EFNA5: variants seen among roughly 807,000 people sequenced by gnomAD.
EFNA5 encodes ephrin-A5.
EFNA5 carries 5 observed loss-of-function variants against 22.9 expected under a neutral mutation model. That is an observed-to-expected ratio of 0.22 (90% CI 0.11 to 0.46). The LOEUF (loss-of-function observed/expected upper bound fraction) is 0.46. Ranked by LOEUF, EFNA5 falls within the 20% of genes least tolerant of loss-of-function variation. EFNA5 has a pLI of 0.99. For synonymous variants in EFNA5, 113 were observed against 112.2 expected, an observed-to-expected ratio of 1.01 and a Z score of -0.04; for missense variants, 237 against 293.3, an observed-to-expected ratio of 0.81 and a Z score of 1.40.
intron 1 of EFNA5, among the ~76,000 whole-genome samples, chr5:107,511,176 G>A (rs929823891): frequency 2.6e-5 from 4 of 152,008 alleles, no homozygotes; most frequent in African/African-American, 4.8e-5. Context: ...ACAGGCATGC[G>A]CCACCACGCC....
At chr5:107,555,094 T>G (rs1016307367) in intron 1 of EFNA5, among the ~76,000 whole-genome samples, 1 of 152,230 alleles carries the variant, frequency 6.6e-6, no homozygotes, top group African/African-American at 2.4e-5. Context: ...CAGGACACTT[T>G]GTCTAACATA....
intron 1 of EFNA5, among the ~76,000 whole-genome samples, chr5:107,495,925 C>A (rs1212292051): frequency 6.6e-6 from 1 of 152,056 alleles, no homozygotes; most frequent in Non-Finnish European, 1.5e-5. Context: ...CAAGCTTTAG[C>A]CACCTCCTGT....
chr5:107,413,274 TA>T (rs1748417827), intron 2 of EFNA5, among the ~76,000 whole-genome samples: 1 of 152,102 alleles, frequency 6.6e-6, no homozygotes, highest in African/African-American at 2.4e-5. Context: ...ATTATATGGT[TA>T]AAAAAATGAC....
intron 1 of EFNA5, among the ~76,000 whole-genome samples, chr5:107,642,462 T>G (rs1163509643): frequency 1.4e-5 from 1 of 70,746 alleles, no homozygotes; most frequent in Non-Finnish European, 3.0e-5. Flanking sequence ...TTTTGTCAAC[T>G]AAAAAAAAAA....
chr5:107,470,384 G>A (rs1750106192), intron 1 of EFNA5, among the ~76,000 whole-genome samples: 1 of 152,184 alleles, frequency 6.6e-6, no homozygotes. Flanking sequence ...CGGCTTCTGA[G>A]GATGATGAAG....
intron 1 of EFNA5, among the ~76,000 whole-genome samples, chr5:107,499,172 A>G (rs1747073797): frequency 6.6e-6 from 1 of 152,212 alleles, no homozygotes; most frequent in Non-Finnish European, 1.5e-5. Context: ...AAAAAAGAGA[A>G]GAAAGATGAA....
chr5:107,556,552 C>T (rs1193623202), intron 1 of EFNA5, among the ~76,000 whole-genome samples: 1 of 151,942 alleles, frequency 6.6e-6, no homozygotes, highest in Non-Finnish European at 1.5e-5. Flanking sequence ...TTGAGACCAG[C>T]CTGGACAACA....
chr5:107,441,802 G>T (rs1454436234), intron 1 of EFNA5, among the ~76,000 whole-genome samples: 1 of 152,086 alleles, frequency 6.6e-6, no homozygotes, highest in Non-Finnish European at 1.5e-5. Context: ...AGGAAATACT[G>T]CATTTCTTTG....
Position 107,540,144 on chromosome 5 carries a change from G to A in EFNA5, c.126-112635C>T, listed in dbSNP as rs572061296. 9.9e-5 allele frequency among the ~76,000 whole-genome samples: 15 copies of A among 152,162 alleles called. No individual in the cohort carries two copies. In the South Asian group the frequency reaches 1.9e-3, roughly 19 times the overall value. On this transcript the variant is annotated intron_variant, in intron 1 of 4. Transcript: ENST00000333274. ...GGCAAGGCTCTATCCTGGGGGTGAA[G>A]AGGGGGAGGGGGCAAGAGTCAAAAA... is the stretch of plus-strand genomic sequence containing the variant.
chr5:107,421,280 T>C (rs569838349), intron 2 of EFNA5, among the ~76,000 whole-genome samples: 2 of 152,202 alleles, frequency 1.3e-5, no homozygotes, highest in Admixed American at 1.3e-4. Context: ...AAAAATGATG[T>C]CCATAGTAAC....
intron 1 of EFNA5, among the ~76,000 whole-genome samples, chr5:107,533,941 T>C (rs341277): frequency 0.17 from 26,464 of 152,206 alleles, 2,606 homozygotes; most frequent in Middle Eastern, 0.38. Context: ...TACCTTGGCT[T>C]TTCTAGCCAT....
chr5:107,516,003 T>C (rs1037691507), intron 1 of EFNA5, among the ~76,000 whole-genome samples: 1 of 152,180 alleles, frequency 6.6e-6, no homozygotes, highest in African/African-American at 2.4e-5. Context: ...CCCTAGACAC[T>C]AGAATTTTAT....
chr5:107,543,217 T>C (rs1188953148), intron 1 of EFNA5, among the ~76,000 whole-genome samples: 1 of 152,130 alleles, frequency 6.6e-6, no homozygotes, highest in Non-Finnish European at 1.5e-5. Flanking sequence ...CGACAGGAGC[T>C]AAATTCATCC....
At chr5:107,569,561 A>T (rs868503480) in intron 1 of EFNA5, among the ~76,000 whole-genome samples, 20 of 19,238 alleles carry the variant, frequency 1.0e-3, no homozygotes, top group Middle Eastern at 0.024. Context: ...ATATATATTT[A>T]TATATATATA....
chr5:107,409,200 A>G (rs973803244), intron 2 of EFNA5, among the ~76,000 whole-genome samples: 1 of 152,252 alleles, frequency 6.6e-6, no homozygotes, highest in African/African-American at 2.4e-5. Context: ...AGACAGGAGT[A>G]TGCCTCATCT....
intron 1 of EFNA5, among the ~76,000 whole-genome samples, chr5:107,433,257 T>C (rs1200778125): frequency 3.9e-5 from 6 of 152,214 alleles, no homozygotes; most frequent in African/African-American, 7.2e-5. Context: ...TTATGAAAAT[T>C]TGGTGGTAGA....
intron 1 of EFNA5, among the ~76,000 whole-genome samples, chr5:107,519,053 G>A (rs1033393392): frequency 6.6e-6 from 1 of 152,200 alleles, no homozygotes; most frequent in East Asian, 1.9e-4. Context: ...TATTACATTA[G>A]TTTAATGAAT....
intron 2 of EFNA5, among the ~76,000 whole-genome samples, chr5:107,396,707 T>C (rs1361065580): frequency 6.7e-6 from 1 of 150,318 alleles, no homozygotes; most frequent in Non-Finnish European, 1.5e-5. Flanking sequence ...TTGTGTGTGT[T>C]GGAGGGTGGG....
rs532343954 is a variant in EFNA5, at chr5:107,567,560, AC to A, written c.125+102928del. Among the ~76,000 whole-genome samples the A allele has an allele frequency of 2.1e-3, 325 of 152,284 alleles. 2 individuals are homozygous for A. Among genetic ancestry groups the A allele is most frequent in the African/African-American group, 7.4e-3 (306 of 41,568 alleles). On this transcript the variant is annotated intron_variant, in intron 1 of 4. Coordinates refer to ENST00000333274, the MANE Select transcript of EFNA5 (RefSeq NM_001962.3). ...AAGTTTGAGACACAGGATCCCATCC[AC>A]CCACCCCTGCCCCAGGTTGGGATGT... is the stretch of plus-strand genomic sequence containing the variant.
Sources: gnomAD v4.1 joint callset for allele counts (sites outside exome capture counted in the v4.1 genomes callset) on GRCh38, gnomAD v4.1.1 for gene constraint, MANE v1.5 for transcripts, NCBI Gene and HGNC (gene_info 2026-07-23, HGNC 2026-07-21) for gene names.